VPS8: variants seen among roughly 807,000 people sequenced by gnomAD.
The protein encoded by VPS8 is VPS8 subunit of CORVET complex, also known as vacuolar protein sorting-associated protein 8 homolog.
A neutral mutation model predicts 216.4 loss-of-function variants in VPS8; 129 were observed. The ratio of observed to expected loss-of-function variants is 0.60; its 90% confidence interval spans 0.52 to 0.69. The LOEUF is 0.69. VPS8 is among the 30% of genes least tolerant of loss of function. VPS8 has a pLI of 0.00. For synonymous variants in VPS8, 571 were observed against 565.4 expected (o/e 1.01, Z -0.14); for missense variants, 1,531 against 1,683.5 (o/e 0.91, Z 1.59).
intron 45 of VPS8, among the ~76,000 whole-genome samples, chr3:185,013,060 A>G (rs958988043): frequency 3.9e-5 from 6 of 152,206 alleles, no homozygotes; most frequent in Admixed American, 3.3e-4. Context: ...CAGCAGGAAC[A>G]TGTCCTTAAG....
intron 21 of VPS8, among the ~76,000 whole-genome samples, chr3:184,871,231 C>G (rs1728293243): frequency 6.6e-6 from 1 of 151,396 alleles, no homozygotes; most frequent in African/African-American, 2.4e-5. Context: ...AAAATATGAT[C>G]TATAAAATAT....
At chr3:184,868,361 G>A (rs890285304) in intron 18 of VPS8, 23 of 294,100 alleles carry the variant, frequency 7.8e-5, no homozygotes, top group African/African-American at 1.8e-4. Flanking sequence ...AAGCTTAAGC[G>A]TGCTGTCCTG....
chr3:184,920,131 T>C lies in VPS8; in HGVS notation c.2387T>C (p.Phe796Ser). ...AAATTTATTTCTCCCTTTTAGACTTTTGAAGATTTTAAAAATGACAAGCAA... is the reference window on the plus strand; with the variant it reads ...AAATTTATTTCTCCCTTTTAGACTTCTGAAGATTTTAAAAATGACAAGCAA... ...REFLNVLALTFEDFKNDKQAV... is the reference protein window; with the variant it reads ...REFLNVLALTSEDFKNDKQAV... Residue 796 changes from phenylalanine to serine, a missense_variant, in exon 29 of 48, where the codon TTT (phenylalanine) becomes TCT (serine). By Grantham distance (155) the Phe-to-Ser change is radical. Coordinates refer to ENST00000625842, the MANE Select transcript of VPS8 (RefSeq NM_001009921.3). 1 of 1,522,658 alleles carries C rather than the reference T, an allele frequency of 6.6e-7. No homozygotes were observed. Among genetic ancestry groups the C allele is most frequent in the Non-Finnish European group, 8.8e-7 (1 of 1,136,856 alleles). 94.3% of individuals were successfully genotyped at this position (1,522,658 alleles called of 1,614,324 possible). A position where few individuals can be genotyped will look rare whatever the true frequency, so the allele number is the denominator to read the frequency against.
At chr3:184,836,075 A>G (rs998955445) in intron 5 of VPS8, among the ~76,000 whole-genome samples, 8 of 152,130 alleles carry the variant, frequency 5.3e-5, no homozygotes, top group Non-Finnish European at 1.0e-4. Flanking sequence ...TTGCACTTCA[A>G]TGTTCAGGTT....
chr3:184,896,100 G>T (rs939838155), intron 23 of VPS8, among the ~76,000 whole-genome samples: 5 of 152,062 alleles, frequency 3.3e-5, no homozygotes, highest in South Asian at 2.1e-4. Context: ...TTGGAAAAAT[G>T]ATTATTTTAT....
At chr3:184,824,367 C>T in intron 1 of VPS8, 178 bp from the exon 2 acceptor site, 1 of 332,648 alleles carries the variant, frequency 3.0e-6, no homozygotes, top group Non-Finnish European at 5.6e-6. Context: ...CCTTTATGCT[C>T]TCATTGAAAC....
At chr3:184,945,165 C>G (rs2109357951) in intron 36 of VPS8, among the ~76,000 whole-genome samples, 1 of 151,868 alleles carries the variant, frequency 6.6e-6, no homozygotes, top group Admixed American at 6.6e-5. Context: ...TTCTCTCTCT[C>G]TCTCTCTCTA....
chr3:184,922,205 A>AT (rs1738758147), intron 29 of VPS8, among the ~76,000 whole-genome samples: 1 of 152,194 alleles, frequency 6.6e-6, no homozygotes, highest in African/African-American at 2.4e-5. Flanking sequence ...CTTAACTGAA[A>AT]TACCATCTAT....
intron 39 of VPS8, among the ~76,000 whole-genome samples, chr3:184,968,170 T>C (rs984589252): frequency 2.0e-5 from 3 of 152,250 alleles, no homozygotes; most frequent in Non-Finnish European, 4.4e-5. Flanking sequence ...CTTGCTTATT[T>C]AACTTACCAT....
chr3:184,920,128 CTT>C lies in VPS8; in HGVS notation c.2387_2388del (p.Phe796Ter), dbSNP rs1738353952. 1.3e-6 allele frequency: 2 copies of C among 1,520,690 alleles called. No individual in the cohort carries two copies. The highest frequency in any genetic ancestry group is 1.8e-6 in the Non-Finnish European group (2 of 1,135,682). 94.2% of individuals were successfully genotyped at this position (1,520,690 alleles called of 1,614,324 possible). On this transcript the variant is annotated frameshift_variant and splice_region_variant, in exon 29 of 48. Transcript: ENST00000625842. LOFTEE classifies it high-confidence loss of function. ...AAAAAATTTATTTCTCCCTTTTAGACTTTTGAAGATTTTAAAAATGACAAGCA... is the reference window on the plus strand; with the variant it reads ...AAAAAATTTATTTCTCCCTTTTAGACTTGAAGATTTTAAAAATGACAAGCA...
In VPS8 at chr3:184,928,435, T is replaced by G. The variant is rs749673090; in HGVS notation, c.2632-16T>G. On this transcript the variant is annotated splice_polypyrimidine_tract_variant and intron_variant, in intron 31 of 47. Coordinates refer to ENST00000625842, the MANE Select transcript of VPS8 (RefSeq NM_001009921.3). ...AAATTCTCAAGTGTTTTTACTCATT[T>G]ATTGTAAATACTCAGGTCCTTTTAG... 3.3e-6 allele frequency: 5 copies of G among 1,530,996 alleles called. No individual in the cohort carries two copies. The highest frequency in any genetic ancestry group is 1.7e-4 in the Middle Eastern group (1 of 5,894). The allele number at this position is 1,530,996 out of a possible 1,614,324, so 94.8% of individuals were successfully genotyped here. A position where few individuals can be genotyped will look rare whatever the true frequency, so the allele number is the denominator to read the frequency against.
chr3:184,858,758 C>G (rs1487496634), intron 14 of VPS8, among the ~76,000 whole-genome samples: 2 of 152,186 alleles, frequency 1.3e-5, no homozygotes, highest in African/African-American at 4.8e-5. Flanking sequence ...AGTCAACAAG[C>G]AAAATGCCTT....
chr3:184,930,224 A>G (rs1304517994), intron 33 of VPS8, among the ~76,000 whole-genome samples: 2 of 152,240 alleles, frequency 1.3e-5, no homozygotes, highest in African/African-American at 2.4e-5. Flanking sequence ...ATACTCCTTC[A>G]TTAGGTCACT....
intron 7 of VPS8, 70 bp from the exon 8 acceptor site, chr3:184,843,170 T>G (rs186336436): frequency 1.5e-5 from 19 of 1,241,718 alleles, no homozygotes; most frequent in Non-Finnish European, 1.9e-5. Context: ...ACCTGCCTTT[T>G]CTTCGAACTT....
intron 20 of VPS8, among the ~76,000 whole-genome samples, chr3:184,870,090 ATT>A (rs1728074751): frequency 6.6e-6 from 1 of 152,188 alleles, no homozygotes; most frequent in African/African-American, 2.4e-5. Flanking sequence ...GAAAATTGAC[ATT>A]TGTTAGTTTT....
chr3:184,914,869 GA>G, intron 26 of VPS8, 111 bp from the exon 27 acceptor site: 1 of 1,072,016 alleles, frequency 9.3e-7, no homozygotes, highest in Non-Finnish European at 1.4e-6. Context: ...GACAAAAGCT[GA>G]GCCTACTTAC....
At chr3:184,931,501 T>G (rs1740674877) in intron 34 of VPS8, among the ~76,000 whole-genome samples, 1 of 152,180 alleles carries the variant, frequency 6.6e-6, no homozygotes, top group Non-Finnish European at 1.5e-5. Context: ...TATGAAAAAC[T>G]ATAAGAAAGG....
intron 40 of VPS8, among the ~76,000 whole-genome samples, chr3:184,980,161 CT>C (rs1180605855): frequency 6.6e-6 from 1 of 151,978 alleles, no homozygotes; most frequent in African/African-American, 2.4e-5. Context: ...GAAAAGTCCA[CT>C]GTTTGCCCAA....
At chr3:184,876,638 G>A (rs1367689341) in intron 21 of VPS8, among the ~76,000 whole-genome samples, 2 of 152,102 alleles carry the variant, frequency 1.3e-5, no homozygotes, top group African/African-American at 4.8e-5. Flanking sequence ...CCTTTTCTGA[G>A]GATTCCTGTG....
Sources: allele counts gnomAD v4.1 joint callset (sites outside exome capture counted in the v4.1 genomes callset), GRCh38; gene constraint gnomAD v4.1.1; transcripts MANE v1.5; gene names NCBI Gene and HGNC (gene_info 2026-07-23, HGNC 2026-07-21).